EPHA6: variants seen among roughly 807,000 people sequenced by gnomAD.
The protein encoded by EPHA6 is ephrin type-A receptor 6.
EPHA6 carries 50 observed loss-of-function variants against 112.0 expected under a neutral mutation model. The observed-to-expected ratio is 0.45, with a 90% CI of 0.36 to 0.56. EPHA6 has a LOEUF of 0.56. EPHA6 is among the 20% of genes least tolerant of loss of function. The probability of loss-of-function intolerance (pLI) is 0.00; values close to 1 mark genes in which losing one functional copy is unlikely to be tolerated. For missense variants in EPHA6, 1,280 were observed against 1,417.4 expected (o/e 0.90, Z 1.56); for synonymous variants, 529 against 490.7 (o/e 1.08, Z -1.03).
intron 5 of EPHA6, among the ~76,000 whole-genome samples, chr3:97,331,488 T>A (rs200822753): frequency 2.0e-5 from 3 of 151,678 alleles, no homozygotes; most frequent in Admixed American, 2.0e-4. Flanking sequence ...TCAACAAAAT[T>A]GATAGACCGC....
rs540776256 is a variant in EPHA6, at chr3:96,814,664, C to G, written c.41C>G (p.Ala14Gly). Residue 14 changes from alanine (A) to glycine (G), a missense_variant, in exon 1 of 18, where the codon GCG becomes GGG. By Grantham distance (60) the Ala-to-Gly change is moderately conservative. Coordinates refer to ENST00000389672, the MANE Select transcript of EPHA6 (RefSeq NM_001080448.3). The stretch of plus-strand genomic sequence containing the variant: ...CCTCCAGCCGCGAGGAGCTCCCCGG[C>G]GCCGCAGGCAGCGTCCTCCTCCGAA... ...PSPPAARSSP[A>G]PQAASSSEAA... 1 of 1,479,266 alleles carries G rather than the reference C, an allele frequency of 6.8e-7. No individual in the cohort carries two copies. The highest frequency in any genetic ancestry group is 1.4e-5 in the South Asian group (1 of 69,934). 91.6% of individuals were successfully genotyped at this position (1,479,266 alleles called of 1,614,324 possible). A position where few individuals can be genotyped will look rare whatever the true frequency, so the allele number is the denominator to read the frequency against.
intron 3 of EPHA6, among the ~76,000 whole-genome samples, chr3:97,224,570 A>G (rs545061996): frequency 1.2e-4 from 19 of 152,318 alleles, no homozygotes; most frequent in Middle Eastern, 3.4e-3. Context: ...GCTGATTAAA[A>G]GAAGAAAACA....
intron 3 of EPHA6, among the ~76,000 whole-genome samples, chr3:97,124,553 G>A (rs1448208323): frequency 1.3e-5 from 2 of 151,918 alleles, no homozygotes; most frequent in Non-Finnish European, 2.9e-5. Flanking sequence ...TCCTAGTCTT[G>A]CTTTCACCAC....
chr3:96,877,834 A>G (rs571175366), intron 2 of EPHA6, among the ~76,000 whole-genome samples: 3 of 151,744 alleles, frequency 2.0e-5, no homozygotes, highest in Admixed American at 2.0e-4. Flanking sequence ...TGTATATGCA[A>G]ATACTTCAAT....
intron 5 of EPHA6, among the ~76,000 whole-genome samples, chr3:97,248,892 G>A (rs1015522103): frequency 6.6e-6 from 1 of 152,052 alleles, no homozygotes; most frequent in Non-Finnish European, 1.5e-5. Context: ...CATGTTGCTG[G>A]AGTAAGTAAT....
intron 2 of EPHA6, among the ~76,000 whole-genome samples, chr3:96,893,552 C>A (rs933975419): frequency 7.2e-5 from 11 of 152,298 alleles, no homozygotes; most frequent in Non-Finnish European, 1.3e-4. Context: ...GATTATTGCA[C>A]ACCAGTCAGG....
chr3:97,053,320 A>T (rs1004500064), intron 3 of EPHA6, among the ~76,000 whole-genome samples: 3 of 152,076 alleles, frequency 2.0e-5, no homozygotes, highest in Non-Finnish European at 2.9e-5. Context: ...AAGGACTAGT[A>T]AGTTCAATTC....
intron 13 of EPHA6, among the ~76,000 whole-genome samples, chr3:97,626,695 G>A (rs779862042): frequency 5.3e-5 from 8 of 151,838 alleles, no homozygotes; most frequent in Non-Finnish European, 8.8e-5. Flanking sequence ...GGTACTGGCA[G>A]TAGTGTGCTA....
intron 4 of EPHA6, among the ~76,000 whole-genome samples, chr3:97,240,552 A>C (rs777200311): frequency 2.5e-4 from 38 of 151,880 alleles, no homozygotes; most frequent in Non-Finnish European, 4.7e-4. Flanking sequence ...ATTGGTGAGC[A>C]GTCACTTTTC....
chr3:97,572,656 T>C (rs1014013895), intron 11 of EPHA6: 2 of 152,146 alleles, frequency 1.3e-5, no homozygotes, highest in Admixed American at 1.3e-4. Flanking sequence ...TATACAAGTA[T>C]AACATATTTT....
intron 5 of EPHA6, among the ~76,000 whole-genome samples, chr3:97,283,702 A>G (rs537937458): frequency 6.6e-6 from 1 of 152,160 alleles, no homozygotes; most frequent in Non-Finnish European, 1.5e-5. Flanking sequence ...GCAGCAAACC[A>G]CCATGACACA....
intron 5 of EPHA6, among the ~76,000 whole-genome samples, chr3:97,332,209 C>A (rs186104717): frequency 6.6e-6 from 1 of 152,076 alleles, no homozygotes; most frequent in African/African-American, 2.4e-5. Flanking sequence ...ATTCAACAAC[C>A]CTTCATGCTA....
chr3:97,018,829 C>A (rs11919285), intron 3 of EPHA6, among the ~76,000 whole-genome samples: 24 of 152,128 alleles, frequency 1.6e-4, no homozygotes, highest in African/African-American at 5.8e-4. Flanking sequence ...CTCCCTTTCC[C>A]GGTCTGCTAA....
chr3:97,291,095 CTT>C (rs921122420), intron 5 of EPHA6, among the ~76,000 whole-genome samples: 2 of 151,688 alleles, frequency 1.3e-5, no homozygotes, highest in Non-Finnish European at 2.9e-5. Context: ...TTTCGAGATG[CTT>C]TTTTTTAAAT....
At chr3:97,507,796 C>CT (rs35924528) in intron 10 of EPHA6, among the ~76,000 whole-genome samples, 6,306 of 150,854 alleles carry the variant, frequency 0.042, 357 homozygotes, top group African/African-American at 0.13. Context: ...TGGTCCTGGG[C>CT]TTTTTTTTTG....
intron 2 of EPHA6, among the ~76,000 whole-genome samples, chr3:96,871,513 T>C (rs2036621593): frequency 6.6e-6 from 1 of 152,042 alleles, no homozygotes. Context: ...TCAAATATTT[T>C]TTTTTCTGAA....
intron 14 of EPHA6, among the ~76,000 whole-genome samples, 196 bp downstream of exon 14, chr3:97,638,278 A>C (rs959276933): frequency 5.3e-5 from 8 of 152,152 alleles, no homozygotes; most frequent in African/African-American, 1.7e-4. Flanking sequence ...GAAAACAAAA[A>C]CTTTCATACC....
chr3:97,641,584 C>T lies in EPHA6; in HGVS notation c.2784+3502C>T, dbSNP rs372431817. Among the ~76,000 whole-genome samples the T allele has an allele frequency of 2.6e-4, 39 of 152,312 alleles. No individual in the cohort carries two copies. The South Asian group carries it at 2.7e-3, about 11-fold the overall frequency. On this transcript the variant is annotated intron_variant, in intron 14 of 17. Coordinates refer to ENST00000389672, the MANE Select transcript of EPHA6 (RefSeq NM_001080448.3). ...AGTGGGCGCAGGATAGTGGGTGCAG[C>T]GCACCATGCGCGAGCCGAAGCAGAG...
At chr3:97,520,825 G>C (rs1577653750) in intron 10 of EPHA6, among the ~76,000 whole-genome samples, 2 of 152,082 alleles carry the variant, frequency 1.3e-5, no homozygotes, top group Admixed American at 6.6e-5. Context: ...TCACCTTCTG[G>C]AACATTGAAA....
Sources: allele counts gnomAD v4.1 joint callset (sites outside exome capture counted in the v4.1 genomes callset), GRCh38; gene constraint gnomAD v4.1.1; transcripts MANE v1.5; gene names NCBI Gene and HGNC (gene_info 2026-07-23, HGNC 2026-07-21).